The following GAD2 variants were observed in gnomAD, a reference collection of about 807,000 sequenced individuals.
GAD2 encodes glutamate decarboxylase 2.
In GAD2, 22 loss-of-function variants were observed where a neutral mutation model predicts 80.1. The ratio of observed to expected loss-of-function variants is 0.27; its 90% CI spans 0.20 to 0.39. The LOEUF (loss-of-function observed/expected upper bound fraction) is 0.39. Among genes scored for constraint, GAD2 ranks in the 10% least tolerant of loss-of-function variants. GAD2 has a pLI of 1.00. For synonymous variants in GAD2, 274 were observed against 256.9 expected (o/e 1.07, Z -0.64); for missense variants, 624 against 738.4 (o/e 0.85, Z 1.80).
intron 4 of GAD2, among the ~76,000 whole-genome samples, chr10:26,223,275 C>A (rs1281822758): frequency 6.6e-6 from 1 of 152,190 alleles, no homozygotes; most frequent in Non-Finnish European, 1.5e-5. Flanking sequence ...TAGCTTTGTC[C>A]ATGCCATCTT....
At chr10:26,290,839 G>A (rs980041921) in intron 13 of GAD2, among the ~76,000 whole-genome samples, 6 of 152,182 alleles carry the variant, frequency 3.9e-5, no homozygotes, top group Non-Finnish European at 7.4e-5. Flanking sequence ...AAAATAAAAT[G>A]TGGATCTTAA....
chr10:26,219,154 T>C lies in GAD2; in HGVS notation c.398T>C (p.Ile133Thr), dbSNP rs774176087. 2 of 1,613,818 alleles carry C rather than the reference T, an allele frequency of 1.2e-6. No individual in the cohort carries two copies. The highest frequency in any genetic ancestry group is 2.7e-5 in the African/African-American group (2 of 74,934). Residue 133 changes from isoleucine (I) to threonine (T), a missense_variant, in exon 4 of 16, where the codon ATT becomes ACT. Ile to Thr is a moderately conservative substitution (Grantham distance 89). Transcript: ENST00000376261. The part of the protein sequence containing the change: ...VKSFDRSTKV[I>T]DFHYPNELLQ... ...AGTTTCGATAGATCAACCAAAGTGA[T>C]TGATTTCCATTATCCTAATGAGCTT...
rs116732817 is a variant in GAD2, at chr10:26,246,812, C to T, written c.920+812C>T. 3.3e-3 allele frequency among the ~76,000 whole-genome samples: 508 copies of T among 152,286 alleles called. 1 individual carries two copies. The highest frequency in any genetic ancestry group is 0.012 in the African/African-American group (482 of 41,566). On this transcript the variant is annotated intron_variant, in intron 8 of 15. Transcript: ENST00000376261. Reference sequence around the variant, plus strand: ...AGAAGGAGATAGTTACAGGGTGGAACTGCATGGCATGAAGTACACATTTGA... The same window carrying T: ...AGAAGGAGATAGTTACAGGGTGGAATTGCATGGCATGAAGTACACATTTGA...
intron 7 of GAD2, among the ~76,000 whole-genome samples, chr10:26,230,998 G>A (rs990366398): frequency 5.9e-5 from 9 of 152,128 alleles, no homozygotes; most frequent in Non-Finnish European, 1.2e-4. Flanking sequence ...GCTGAGGCAG[G>A]AGAATCACTT....
At chr10:26,245,383 TA>T (rs1257712889) in intron 7 of GAD2, among the ~76,000 whole-genome samples, 4,014 of 146,170 alleles carry the variant, frequency 0.027, 181 homozygotes, top group African/African-American at 0.093. Flanking sequence ...AAAATAAAAA[TA>T]AAAAAAAAAT....
At chr10:26,227,548 T>G (rs571407660) in intron 6 of GAD2, among the ~76,000 whole-genome samples, 1 of 152,206 alleles carries the variant, frequency 6.6e-6, no homozygotes, top group Non-Finnish European at 1.5e-5. Context: ...CTCCAGCCTC[T>G]TTAAGAACAA....
intron 11 of GAD2, among the ~76,000 whole-genome samples, chr10:26,274,632 G>A (rs929570592): frequency 6.6e-6 from 1 of 152,186 alleles, no homozygotes; most frequent in Admixed American, 6.5e-5. Context: ...TCCAGGACAA[G>A]GAGAGACGCT....
At position 26,217,424 on chromosome 10, in the gene GAD2, C is replaced by G. The variant is rs1162427983; in HGVS notation, c.77-186C>G. Among the ~76,000 whole-genome samples, 3 of 152,130 alleles carry G rather than the reference C, an allele frequency of 2.0e-5. No homozygotes were observed. Among genetic ancestry groups the G allele is most frequent in the Non-Finnish European group, 4.4e-5 (3 of 68,014 alleles). On this transcript the variant is annotated intron_variant, in intron 1 of 15. Transcript: ENST00000376261. The surrounding 1 kb of genome is among the most constrained non-coding windows in gnomAD (Gnocchi z 4.9). ...CAGATAAAGGAAATGAGGGCTGGCCCGGGCCGCCAGCCTCCCGCTTGCCTT... is the reference window on the plus strand; with the variant it reads ...CAGATAAAGGAAATGAGGGCTGGCCGGGGCCGCCAGCCTCCCGCTTGCCTT...
At chr10:26,259,008 G>A (rs1844977624) in intron 8 of GAD2, among the ~76,000 whole-genome samples, 1 of 152,120 alleles carries the variant, frequency 6.6e-6, no homozygotes, top group Admixed American at 6.6e-5. Flanking sequence ...AGTAGAGACA[G>A]GGTTTCACCA....
Position 26,217,970 on chromosome 10 carries a change from T to G in GAD2, c.265T>G (p.Tyr89Asp). Residue 89 changes from tyrosine to aspartate, a missense_variant, in exon 3 of 16, where the codon TAC (tyrosine) becomes GAC (aspartate). By Grantham distance (160) the Tyr-to-Asp change is radical. Transcript: ENST00000376261. This position sits in a 1 kb window ranked among gnomAD's most constrained non-coding sequence, Gnocchi z 4.9. ...PCSCSKVDVN[Y>D]AFLHATDLLP... ...CAGCTGCTCCAAAGTGGATGTCAACTACGCGTTTCTCCATGCAACAGGTAA... is the reference window on the plus strand; with the variant it reads ...CAGCTGCTCCAAAGTGGATGTCAACGACGCGTTTCTCCATGCAACAGGTAA... 1 of 1,610,984 alleles carries G rather than the reference T, an allele frequency of 6.2e-7. No individual in the cohort carries two copies. Among genetic ancestry groups the G allele is most frequent in the Non-Finnish European group, 8.5e-7 (1 of 1,178,758 alleles).
chr10:26,224,239 A>G (rs138835137), intron 5 of GAD2, among the ~76,000 whole-genome samples: 4 of 152,338 alleles, frequency 2.6e-5, no homozygotes, highest in South Asian at 4.1e-4. Flanking sequence ...AATGTCAAAG[A>G]CAAATGGGAC....
chr10:26,286,034 T>C (rs1845327740), intron 12 of GAD2, among the ~76,000 whole-genome samples: 1 of 152,198 alleles, frequency 6.6e-6, no homozygotes, highest in Admixed American at 6.5e-5. Context: ...ATGCTCTGGT[T>C]GTGATTTTTA....
At chr10:26,257,106 G>A (rs981833139) in intron 8 of GAD2, among the ~76,000 whole-genome samples, 6 of 152,080 alleles carry the variant, frequency 3.9e-5, no homozygotes, top group African/African-American at 9.7e-5. Context: ...GGCTGGGTGC[G>A]GTGGCTCATG....
At chr10:26,216,634 C>T (rs1021189246), upstream of GAD2, 5 of 481,410 alleles carry the variant, frequency 1.0e-5, no homozygotes, top group Non-Finnish European at 1.8e-5. This position sits in a 1 kb window ranked among gnomAD's most constrained non-coding sequence, Gnocchi z 4.7. Context: ...CACACACGCA[C>T]AGACACGCAC....
At chr10:26,270,068 T>C (rs1311463305) in intron 9 of GAD2, among the ~76,000 whole-genome samples, 1 of 152,206 alleles carries the variant, frequency 6.6e-6, no homozygotes, top group Non-Finnish European at 1.5e-5. Flanking sequence ...GCCCGTTACT[T>C]CAATCAGTTT....
intron 8 of GAD2, among the ~76,000 whole-genome samples, chr10:26,255,934 G>A (rs1844938142): frequency 6.6e-6 from 1 of 151,600 alleles, no homozygotes; most frequent in Non-Finnish European, 1.5e-5. Flanking sequence ...AGGAGGGGAG[G>A]GGCCAGCCTG....
At chr10:26,284,858 C>T (rs547150820) in intron 12 of GAD2, among the ~76,000 whole-genome samples, 7 of 152,230 alleles carry the variant, frequency 4.6e-5, no homozygotes, top group Non-Finnish European at 7.4e-5. Context: ...CATGAGCCAC[C>T]GCACCCGGCC....
chr10:26,290,077 G>GA (rs1169709347), intron 13 of GAD2, among the ~76,000 whole-genome samples: 2 of 150,692 alleles, frequency 1.3e-5, no homozygotes, highest in East Asian at 1.9e-4. Flanking sequence ...AAATGGCTGT[G>GA]AAAAAAAATA....
At chr10:26,300,756 A>G in intron 15 of GAD2, 32 bp from the exon 16 acceptor site, 1 of 1,602,188 alleles carries the variant, frequency 6.2e-7, no homozygotes, top group Non-Finnish European at 8.5e-7. Context: ...TCCCAGGAGA[A>G]AGTCACCATG....
Sources: allele counts gnomAD v4.1 joint callset (sites outside exome capture counted in the v4.1 genomes callset), GRCh38; gene constraint gnomAD v4.1.1; non-coding constraint Gnocchi (gnomAD v3.1); transcripts MANE v1.5; gene names NCBI Gene and HGNC (gene_info 2026-07-23, HGNC 2026-07-21).